MUC5AC: variants seen among roughly 807,000 people sequenced by gnomAD.
MUC5AC encodes the protein mucin-5AC.
In MUC5AC, 158 loss-of-function variants were observed where a neutral mutation model predicts 169.7. That is an observed-to-expected ratio of 0.93 (90% CI 0.82 to 1.06). MUC5AC has a LOEUF of 1.06. Among genes scored for constraint, MUC5AC ranks in the 50% least tolerant of loss-of-function variants. The pLI, the probability that MUC5AC is intolerant of heterozygous loss-of-function variation, is 0.00. For synonymous variants in MUC5AC, 1,975 were observed against 1,237.0 expected (o/e 1.60, Z -12.52); for missense variants, 4,359 against 3,089.9 (o/e 1.41, Z -9.74).
chr11:1,179,249 G>T lies in MUC5AC; in HGVS notation c.3484+1G>T. 1.8e-6 allele frequency: 1 copy of T among 566,756 alleles called. No homozygotes were observed. The highest frequency in any genetic ancestry group is 3.2e-6 in the Non-Finnish European group (1 of 312,784). The allele number at this position is 566,756 out of a possible 1,614,324, so 35.1% of individuals were successfully genotyped here. Reference sequence around the variant, plus strand: ...TCCTGGCGGACCCCGAGCATCTGCCGTGAGTGCGAGTGGGCACCTGGGGAA... The same window carrying T: ...TCCTGGCGGACCCCGAGCATCTGCCTTGAGTGCGAGTGGGCACCTGGGGAA... On this transcript the variant is annotated splice_donor_variant, in intron 26 of 48. Transcript: ENST00000621226. LOFTEE classifies it high-confidence loss of function.
intron 20 of MUC5AC, 58 bp downstream of exon 20, chr11:1,176,309 G>T (rs1415316474): frequency 1.0e-5 from 4 of 398,592 alleles, no homozygotes; most frequent in African/African-American, 2.1e-5. Flanking sequence ...CCTGCTAAGG[G>T]CGCCTGTCCC....
Position 1,164,536 on chromosome 11 carries a change from A to G in MUC5AC, c.1129+4A>G. 1 of 1,604,334 alleles carries G rather than the reference A, an allele frequency of 6.2e-7. No individual in the cohort carries two copies. The highest frequency in any genetic ancestry group is 1.7e-5 in the Admixed American group (1 of 59,124). On this transcript the variant is annotated splice_donor_region_variant and intron_variant, in intron 9 of 48. Coordinates refer to ENST00000621226, the MANE Select transcript of MUC5AC (RefSeq NM_001304359.2). ...GCCGGCTGCTTCTGCCCTGAGGGTG[A>G]GGCTCCCCCGCCCCTGGGAAACACA...
At chr11:1,164,071 C>T in intron 7 of MUC5AC, 35 bp from the exon 8 acceptor site, 1 of 1,610,584 alleles carries the variant, frequency 6.2e-7, no homozygotes, top group Non-Finnish European at 8.5e-7. Context: ...AGATCCCCCA[C>T]CGAGGACTCA....
Position 1,187,561 on chromosome 11 carries a change from G to T in MUC5AC, c.9416G>T (p.Ser3139Ile), listed in dbSNP as rs1860983988. ...AGCACAACCTCTCCTCCTACAACCA[G>T]CACAACTTCTGCCTCTACAGCCAGC... ...TTSTTSPPTTSTTSASTASKT... is the reference protein window; with the variant it reads ...TTSTTSPPTTITTSASTASKT... Residue 3139 changes from serine (S) to isoleucine (I), a missense_variant, in exon 31 of 49, where the codon AGC becomes ATC. Physicochemically the swap from Ser to Ile is moderately radical, Grantham distance 142 (BLOSUM62 -2). Transcript: ENST00000621226. 2 of 753,708 alleles carry T rather than the reference G, an allele frequency of 2.7e-6. No individual in the cohort carries two copies. Among genetic ancestry groups the T allele is most frequent in the African/African-American group, 3.4e-5 (2 of 58,618 alleles). The allele number at this position is 753,708 out of a possible 1,614,324, so 46.7% of individuals were successfully genotyped here.
At chr11:1,174,081 G>A (rs997098740) in intron 16 of MUC5AC, among the ~76,000 whole-genome samples, 3 of 152,144 alleles carry the variant, frequency 2.0e-5, no homozygotes, top group African/African-American at 7.2e-5. Context: ...TCACTCATTG[G>A]TTAACCATGT....
At chr11:1,170,186 C>A (rs1860462585) in intron 15 of MUC5AC, among the ~76,000 whole-genome samples, 1 of 59,578 alleles carries the variant, frequency 1.7e-5, no homozygotes. Flanking sequence ...CACCCATTCA[C>A]CCATTCACTC....
chr11:1,162,211 G>A (rs1860164672), intron 4 of MUC5AC, 43 bp downstream of exon 4: 2 of 1,592,952 alleles, frequency 1.3e-6, no homozygotes, highest in Non-Finnish European at 1.7e-6. Context: ...GCGGCGTGTG[G>A]GGTGGCATTT....
rs757126885 is a variant in MUC5AC at position 1,162,986 on chromosome 11, CCTGTGGGCT to C, written c.628_636del (p.Leu210_Gly212del). The C allele has an allele frequency of 6.2e-7, 1 of 1,612,734 alleles. No homozygotes were observed. The highest frequency in any genetic ancestry group is 8.5e-7 in the Non-Finnish European group (1 of 1,179,864). ...CTGGACACCAAATACGCCAACAAGA[CCTGTGGGCT>C]CTGTGGGGACTTCAACGGGATGCCC... On this transcript the variant is annotated inframe_deletion, in exon 6 of 49. Transcript: ENST00000621226.
In MUC5AC at chr11:1,192,077, T is replaced by C. The variant is rs371630624; in HGVS notation, c.13932T>C (p.Pro4644=). ...GGTTCGACGTGGACTTCCCATCCCC[T>C]GGACCCCACGGCGGGGACAAGGAAA... The part of the protein sequence containing the change: ...TKWFDVDFPS[P]GPHGGDKETY... Residue 4644 remains proline, a synonymous_variant, in exon 31 of 49, where the codon CCT becomes CCC. Coordinates refer to ENST00000621226, the MANE Select transcript of MUC5AC (RefSeq NM_001304359.2). 1,383 of 765,116 alleles carry C rather than the reference T, an allele frequency of 1.8e-3. 2 individuals carry two copies. The highest frequency in any genetic ancestry group is 7.7e-3 in the Middle Eastern group (34 of 4,440). The allele number at this position is 765,116 out of a possible 1,614,324, so 47.4% of individuals were successfully genotyped here.
In MUC5AC at chr11:1,189,829, C is replaced by T. The variant is rs1861046310; in HGVS notation, c.11684C>T (p.Thr3895Ile). The T allele has an allele frequency of 2.7e-6, 2 of 751,702 alleles. No individual in the cohort carries two copies. Among genetic ancestry groups the T allele is most frequent in the Non-Finnish European group, 4.9e-6 (2 of 410,144 alleles). 46.6% of individuals were successfully genotyped at this position (751,702 alleles called of 1,614,324 possible). ...ACAACCTCTCCCCCTACAAGCAGCACAAGCTCCACTCCACAGACCAGCAAA... is the reference window on the plus strand; with the variant it reads ...ACAACCTCTCCCCCTACAAGCAGCATAAGCTCCACTCCACAGACCAGCAAA... The part of the protein sequence containing the change: ...TSTTSPPTSS[T>I]SSTPQTSKTS... The change falls in exon 31 of 49, where the codon ACA becomes ATA. Residue 3895 changes from threonine to isoleucine, a missense_variant. Coordinates refer to ENST00000621226, the MANE Select transcript of MUC5AC (RefSeq NM_001304359.2).
chr11:1,197,756 G>C, intron 41 of MUC5AC, 117 bp downstream of exon 41: 1 of 629,058 alleles, frequency 1.6e-6, no homozygotes, highest in Non-Finnish European at 2.9e-6. Flanking sequence ...CTACGAGGGC[G>C]TCCCCTCCTC....
rs376649187 is a variant in MUC5AC, at chr11:1,194,142, A to C, written c.14788A>C (p.Ile4930Leu). The C allele has an allele frequency of 1.3e-6, 1 of 764,892 alleles. No individual in the cohort carries two copies. Among genetic ancestry groups the C allele is most frequent in the Non-Finnish European group, 2.4e-6 (1 of 417,854 alleles). 47.4% of individuals were successfully genotyped at this position (764,892 alleles called of 1,614,324 possible). ...VCSGWGDPHY[I>L]TFDGTYYTFL... Reference sequence around the variant, plus strand: ...CAGCGGCTGGGGTGACCCCCACTACATCACCTTCGACGGCACCTACTACAC... The same window carrying C: ...CAGCGGCTGGGGTGACCCCCACTACCTCACCTTCGACGGCACCTACTACAC... The change falls in exon 34 of 49, where the codon ATC becomes CTC. Residue 4930 changes from isoleucine to leucine, a missense_variant. Physicochemically the swap from Ile to Leu is conservative, Grantham distance 5. Transcript: ENST00000621226.
At position 1,164,091 on chromosome 11, in the gene MUC5AC, T is replaced by C; in HGVS notation, c.790-15T>C. ...CCCCACCGAGGACTCAGACGGGCTGTGGCCTTTGTCCTAGGGCATCTGTGA... is the reference window on the plus strand; with the variant it reads ...CCCCACCGAGGACTCAGACGGGCTGCGGCCTTTGTCCTAGGGCATCTGTGA... On this transcript the variant is annotated splice_polypyrimidine_tract_variant and intron_variant, in intron 7 of 48. Coordinates refer to ENST00000621226, the MANE Select transcript of MUC5AC (RefSeq NM_001304359.2). 1 of 1,611,586 alleles carries C rather than the reference T, an allele frequency of 6.2e-7. No individual in the cohort carries two copies. Among genetic ancestry groups the C allele is most frequent in the Non-Finnish European group, 8.5e-7 (1 of 1,179,286 alleles).
rs1320674067 is a variant in MUC5AC at position 1,185,254 on chromosome 11, C to T, written c.7109C>T (p.Thr2370Ile). 2.4e-5 allele frequency: 17 copies of T among 704,638 alleles called. No individual in the cohort carries two copies. The highest frequency in any genetic ancestry group is 1.6e-4 in the African/African-American group (9 of 55,854). 43.6% of individuals were successfully genotyped at this position (704,638 alleles called of 1,614,324 possible). The change falls in exon 31 of 49, where the codon ACC becomes ATC. Residue 2370 changes from threonine (T) to isoleucine (I), a missense_variant. By Grantham distance (89) the Thr-to-Ile change is moderately conservative (BLOSUM62 -1). Transcript: ENST00000621226. ...ACCAGCACAACCTCTGCTCCTACAA[C>T]CAGCACAACCTCTGCCCGTACAAGC... ...PTTSTTSAPTTSTTSARTSST... is the reference protein window; with the variant it reads ...PTTSTTSAPTISTTSARTSST...
At position 1,197,888 on chromosome 11, in the gene MUC5AC, C is replaced by T. The variant is rs770931675; in HGVS notation, c.16034-15C>T. The T allele has an allele frequency of 2.8e-6, 2 of 705,232 alleles. No homozygotes were observed. Among genetic ancestry groups the T allele is most frequent in the African/African-American group, 1.7e-5 (1 of 57,408 alleles). 43.7% of individuals were successfully genotyped at this position (705,232 alleles called of 1,614,324 possible). ...GGGGGACAGACTCCTAATTGCCTCA[C>T]TCCCGCCCCCGCAGCCTGCAACACC... On this transcript the variant is annotated splice_polypyrimidine_tract_variant and intron_variant, in intron 41 of 48. Coordinates refer to ENST00000621226, the MANE Select transcript of MUC5AC (RefSeq NM_001304359.2).
In MUC5AC at chr11:1,188,754, C is replaced by G; in HGVS notation, c.10609C>G (p.Pro3537Ala). ...TKWFDVDFPS[P>A]GPHGGDKETY... ...ATGGTTTGATGTGGACTTTCCATCC[C>G]CTGGACCCCACGGTGGGGACAAGGA... is the stretch of plus-strand genomic sequence containing the variant. Residue 3537 changes from proline (P) to alanine (A), a missense_variant, in exon 31 of 49, where the codon CCT becomes GCT. Physicochemically the swap from Pro to Ala is conservative, Grantham distance 27 (BLOSUM62 -1). Transcript: ENST00000621226. 2 of 760,126 alleles carry G rather than the reference C, an allele frequency of 2.6e-6. No individual in the cohort carries two copies. Among genetic ancestry groups the G allele is most frequent in the South Asian group, 2.7e-5 (2 of 74,036 alleles). 47.1% of individuals were successfully genotyped at this position (760,126 alleles called of 1,614,324 possible). A position where few individuals can be genotyped will look rare whatever the true frequency, so the allele number is the denominator to read the frequency against.
Position 1,187,497 on chromosome 11 carries a change from T to A in MUC5AC, c.9352T>A (p.Ser3118Thr), listed in dbSNP as rs1397676232. ...CTCTGCCTCTACAGCCAGCAAAACC[T>A]CTGGTCTTGGAACTACTCCCAGCCC... ...TTSASTASKT[S>T]GLGTTPSPIP... Residue 3118 changes from serine to threonine, a missense_variant, in exon 31 of 49, where the codon TCT becomes ACT. Transcript: ENST00000621226. 7 of 739,040 alleles carry A rather than the reference T, an allele frequency of 9.5e-6. No individual in the cohort carries two copies. The highest frequency in any genetic ancestry group is 1.2e-5 in the Non-Finnish European group (5 of 405,172). The allele number at this position is 739,040 out of a possible 1,614,324, so 45.8% of individuals were successfully genotyped here.
intron 28 of MUC5AC, among the ~76,000 whole-genome samples, chr11:1,180,863 C>T (rs1860801424): frequency 6.6e-6 from 1 of 152,134 alleles, no homozygotes; most frequent in African/African-American, 2.4e-5. Flanking sequence ...TAAAATCACC[C>T]CTGGAAAGTA....
rs1483968818 is a variant in MUC5AC at position 1,170,100 on chromosome 11, C to T, written c.1870+1074C>T. On this transcript the variant is annotated intron_variant, in intron 15 of 48. Coordinates refer to ENST00000621226, the MANE Select transcript of MUC5AC (RefSeq NM_001304359.2). ...CACCCACTCACTCACTCACCTCACT[C>T]ACTCACCCACTCACCCATTCACCCA... Among the ~76,000 whole-genome samples the T allele has an allele frequency of 3.2e-3, 394 of 123,698 alleles. 7 individuals carry two copies. The highest frequency in any genetic ancestry group is 0.012 in the African/African-American group (370 of 30,306). The allele number at this position is 123,698 out of a possible 152,430, so 81.2% of individuals were successfully genotyped here. A position where few individuals can be genotyped will look rare whatever the true frequency, so the allele number is the denominator to read the frequency against.
Sources: allele counts gnomAD v4.1 joint callset (sites outside exome capture counted in the v4.1 genomes callset), GRCh38; gene constraint gnomAD v4.1.1; transcripts MANE v1.5; gene names NCBI Gene and HGNC (gene_info 2026-07-23, HGNC 2026-07-21).